The following SEL1L3 variants were observed in gnomAD, a reference collection of about 807,000 sequenced individuals.
SEL1L3 encodes protein sel-1 homolog 3.
A neutral mutation model predicts 142.8 loss-of-function variants in SEL1L3; 76 were observed. The observed-to-expected ratio is 0.53, with a 90% confidence interval of 0.44 to 0.64. The LOEUF (loss-of-function observed/expected upper bound fraction) is 0.64. SEL1L3 is among the 30% of genes least tolerant of loss of function. The pLI is 0.00. For synonymous variants in SEL1L3, 504 were observed against 519.6 expected, an observed-to-expected ratio of 0.97 and a Z score of 0.41; for missense variants, 1,262 against 1,381.7, an observed-to-expected ratio of 0.91 and a Z score of 1.37.
chr4:25,762,221 T>A (rs1718419708), intron 20 of SEL1L3, among the ~76,000 whole-genome samples: 1 of 152,244 alleles, frequency 6.6e-6, no homozygotes. Context: ...AGAACTGGGA[T>A]TACAGGCATG....
At chr4:25,777,950 G>GAA (rs1719747803) in intron 16 of SEL1L3, 1 of 427,016 alleles carries the variant, frequency 2.3e-6, no homozygotes, top group South Asian at 1.7e-5. Flanking sequence ...AGTCTCTGTT[G>GAA]CATATTCTTC....
intron 11 of SEL1L3, among the ~76,000 whole-genome samples, chr4:25,794,285 T>C (rs1422841111): frequency 1.3e-5 from 2 of 152,044 alleles, no homozygotes; most frequent in Non-Finnish European, 2.9e-5. Flanking sequence ...CTGACAAAAG[T>C]CTAATATCCA....
chr4:25,782,806 G>A (rs1044848283), intron 14 of SEL1L3, among the ~76,000 whole-genome samples: 1 of 152,260 alleles, frequency 6.6e-6, no homozygotes, highest in South Asian at 2.1e-4. Flanking sequence ...GACTGGGATG[G>A]TTTCTAGGTG....
intron 7 of SEL1L3, among the ~76,000 whole-genome samples, chr4:25,820,723 A>G (rs982157296): frequency 2.6e-5 from 4 of 152,210 alleles, no homozygotes; most frequent in Non-Finnish European, 4.4e-5. Flanking sequence ...ATGTGTGAAT[A>G]TATGTATGCA....
upstream of SEL1L3, among the ~76,000 whole-genome samples, chr4:25,863,263 C>G (rs574230039): frequency 4.2e-5 from 5 of 118,470 alleles, no homozygotes; most frequent in South Asian, 1.2e-3. Flanking sequence ...CCCCCGCCCC[C>G]CTTCCGCGCT....
At chr4:25,726,166 T>A in the SEL1L3 span, among the ~76,000 whole-genome samples, 1 of 151,368 alleles carries the variant, frequency 6.6e-6, no homozygotes, top group Non-Finnish European at 1.5e-5. Context: ...AAACCTGAGC[T>A]GGGTTTTGGA....
At chr4:25,737,815 G>A in the SEL1L3 span, among the ~76,000 whole-genome samples, 1 of 152,124 alleles carries the variant, frequency 6.6e-6, no homozygotes. Context: ...TGTAAATGCT[G>A]TGTAAATAGT....
At chr4:25,848,038 A>G (rs1245675331) in intron 1 of SEL1L3, among the ~76,000 whole-genome samples, 174 bp from the exon 2 acceptor site, 1 of 152,250 alleles carries the variant, frequency 6.6e-6, no homozygotes, top group East Asian at 1.9e-4. Flanking sequence ...GGGAAAAACC[A>G]ACACACAAAT....
At position 25,748,301 on chromosome 4, in the gene SEL1L3, C is replaced by T; in HGVS notation, c.*124G>A. Reference sequence around the variant, plus strand: ...ACTTTAAAAAAAATGACACCAATTGCAAAATTTGCATCCAGTTGACAAGAC... The same window carrying T: ...ACTTTAAAAAAAATGACACCAATTGTAAAATTTGCATCCAGTTGACAAGAC... On this transcript the variant is annotated 3_prime_UTR_variant, in exon 24 of 24. Transcript: ENST00000399878. 1 of 1,066,554 alleles carries T rather than the reference C, an allele frequency of 9.4e-7. No individual in the cohort carries two copies. The highest frequency in any genetic ancestry group is 1.6e-5 in the African/African-American group (1 of 62,242). The allele number at this position is 1,066,554 out of a possible 1,614,324, so 66.1% of individuals were successfully genotyped here.
At chr4:25,736,547 A>C in the SEL1L3 span, among the ~76,000 whole-genome samples, 2 of 152,078 alleles carry the variant, frequency 1.3e-5, no homozygotes, top group Admixed American at 1.3e-4. Context: ...TTGAAATTGA[A>C]TGAGACTTGT....
intron 15 of SEL1L3, among the ~76,000 whole-genome samples, chr4:25,780,441 C>T (rs989446283): frequency 1.3e-5 from 2 of 152,076 alleles, no homozygotes; most frequent in Non-Finnish European, 2.9e-5. Flanking sequence ...GACTGGTCGG[C>T]TTCCTCCCTG....
chr4:25,841,683 T>C (rs918070116), intron 2 of SEL1L3, among the ~76,000 whole-genome samples: 9 of 152,200 alleles, frequency 5.9e-5, no homozygotes, highest in African/African-American at 2.2e-4. Flanking sequence ...GGCCAGGCGC[T>C]GTAGTTCACC....
the SEL1L3 span, among the ~76,000 whole-genome samples, chr4:25,728,830 A>T: frequency 6.6e-6 from 1 of 150,942 alleles, no homozygotes; most frequent in African/African-American, 2.4e-5. Context: ...CCTGCCACTG[A>T]ACTCCAGCCT....
At chr4:25,791,010 C>G (rs1478240290) in intron 11 of SEL1L3, among the ~76,000 whole-genome samples, 1 of 152,176 alleles carries the variant, frequency 6.6e-6, no homozygotes, top group African/African-American at 2.4e-5. Context: ...TTGTTTGTTC[C>G]TATCAAAGTA....
At chr4:25,849,738 T>C (rs535167515) in intron 1 of SEL1L3, among the ~76,000 whole-genome samples, 58 of 152,320 alleles carry the variant, frequency 3.8e-4, no homozygotes, top group African/African-American at 1.4e-3. Flanking sequence ...TGGTCTCCTC[T>C]GAGGAAAAAA....
chr4:25,722,623 G>GTTTTTTTTTTTTTTTTTTTTTTTTTTTTT, the SEL1L3 span, among the ~76,000 whole-genome samples: 1 of 125,124 alleles, frequency 8.0e-6, no homozygotes, highest in African/African-American at 4.6e-5. Context: ...TCCAAAGGAG[G>GTTTTTTTTTTTTTTTTTTTTTTTTTTTTT]CTTTTTTTTT....
chr4:25,801,773 G>A (rs1713197914), intron 11 of SEL1L3, among the ~76,000 whole-genome samples: 1 of 152,134 alleles, frequency 6.6e-6, no homozygotes, highest in South Asian at 2.1e-4. Flanking sequence ...AAGGCTCATG[G>A]CATGGGGACA....
intron 1 of SEL1L3, among the ~76,000 whole-genome samples, chr4:25,861,001 CTCCTGACTCTGACT>C (rs919554201): frequency 6.6e-6 from 1 of 152,212 alleles, no homozygotes; most frequent in African/African-American, 2.4e-5. Flanking sequence ...AGGCTTTGCT[CTCCTGACTCTGACT>C]TCCTGAACTG....
chr4:25,724,753 A>G, the SEL1L3 span, among the ~76,000 whole-genome samples: 1,634 of 107,584 alleles, frequency 0.015, 127 homozygotes, highest in African/African-American at 0.043. Context: ...AAAAAAAAAA[A>G]AAAAAAAAAA....
Sources: gnomAD v4.1 joint callset for allele counts (sites outside exome capture counted in the v4.1 genomes callset) on GRCh38, gnomAD v4.1.1 for gene constraint, MANE v1.5 for transcripts, NCBI Gene and HGNC (gene_info 2026-07-23, HGNC 2026-07-21) for gene names.